Variants in TENM3 observed in about 807,000 individuals in gnomAD.
The protein encoded by TENM3 is teneurin-3.
TENM3 carries 63 observed loss-of-function variants against 255.1 expected under a neutral mutation model. The ratio of observed to expected loss-of-function variants is 0.25; its 90% CI spans 0.20 to 0.30. The LOEUF (loss-of-function observed/expected upper bound fraction) is 0.30, where lower values mean the gene tolerates loss of function less well. Ranked by LOEUF, TENM3 falls within the 10% of genes least tolerant of loss-of-function variation. The probability of loss-of-function intolerance (pLI) is 1.00; values close to 1 mark genes in which losing one functional copy is unlikely to be tolerated. For missense variants in TENM3, 2,929 were observed against 3,461.1 expected (o/e 0.85, Z 3.86); for synonymous variants, 1,306 against 1,322.3 (o/e 0.99, Z 0.27).
chr4:182,797,643 G>T (rs796423849), intron 27 of TENM3, among the ~76,000 whole-genome samples: 11 of 152,262 alleles, frequency 7.2e-5, no homozygotes, highest in African/African-American at 2.6e-4. Flanking sequence ...GCTTCAGAAA[G>T]TGGTACTTCT....
At chr4:182,209,610 ATTACC>A (rs137880207) in intron 1 of TENM3, among the ~76,000 whole-genome samples, 7,036 of 152,188 alleles carry the variant, frequency 0.046, 506 homozygotes, top group African/African-American at 0.16. Flanking sequence ...TTGAAGAAAC[ATTACC>A]TGGTGGCCTG....
the TENM3 span, among the ~76,000 whole-genome samples, chr4:181,707,405 A>G: frequency 6.6e-6 from 1 of 152,204 alleles, no homozygotes; most frequent in Non-Finnish European, 1.5e-5. Flanking sequence ...CACCATCTTT[A>G]GAGACTCGTC....
At chr4:182,104,510 T>C in the TENM3 span, among the ~76,000 whole-genome samples, 2 of 138,888 alleles carry the variant, frequency 1.4e-5, no homozygotes, top group African/African-American at 5.5e-5. Flanking sequence ...ACTCTTTTTT[T>C]TTTTTTTTTT....
At chr4:182,432,950 G>T (rs999434056) in intron 3 of TENM3, among the ~76,000 whole-genome samples, 2 of 150,718 alleles carry the variant, frequency 1.3e-5, no homozygotes, top group African/African-American at 4.9e-5. Context: ...GCATCCCAAA[G>T]TGCTGGGATT....
At chr4:182,737,318 A>ATG (rs1472955909) in intron 17 of TENM3, among the ~76,000 whole-genome samples, 1 of 152,216 alleles carries the variant, frequency 6.6e-6, no homozygotes, top group Non-Finnish European at 1.5e-5. Context: ...AATTCTGTGA[A>ATG]TGAGGTTTCA....
At chr4:181,932,734 G>A in the TENM3 span, among the ~76,000 whole-genome samples, 10 of 152,068 alleles carry the variant, frequency 6.6e-5, no homozygotes, top group Admixed American at 2.6e-4. Context: ...TTGCAGCACT[G>A]TTCACAATAG....
chr4:182,060,511 A>G, the TENM3 span, among the ~76,000 whole-genome samples: 1 of 152,124 alleles, frequency 6.6e-6, no homozygotes, highest in East Asian at 1.9e-4. Flanking sequence ...GGCAGAGCTC[A>G]GGCAGTAATA....
chr4:182,328,355 A>G (rs1490166535), intron 2 of TENM3, among the ~76,000 whole-genome samples: 1 of 152,012 alleles, frequency 6.6e-6, no homozygotes, highest in African/African-American at 2.4e-5. Flanking sequence ...AGCTGGAATT[A>G]TAGGCGCCTG....
At chr4:182,583,030 T>A (rs1029865110) in intron 3 of TENM3, among the ~76,000 whole-genome samples, 1 of 152,208 alleles carries the variant, frequency 6.6e-6, no homozygotes, top group African/African-American at 2.4e-5. Flanking sequence ...GATAAGAATG[T>A]CGATCTTAAT....
chr4:182,124,129 G>A, the TENM3 span, among the ~76,000 whole-genome samples: 1 of 152,166 alleles, frequency 6.6e-6, no homozygotes, highest in African/African-American at 2.4e-5. Flanking sequence ...TCGGTGCACT[G>A]CAACCTCTGC....
the TENM3 span, among the ~76,000 whole-genome samples, chr4:182,015,360 A>G: frequency 1.3e-5 from 2 of 152,180 alleles, no homozygotes; most frequent in African/African-American, 4.8e-5. Flanking sequence ...TCGAATGTTA[A>G]TATCAGAGAT....
chr4:182,098,701 G>A, the TENM3 span, among the ~76,000 whole-genome samples: 4,482 of 152,160 alleles, frequency 0.029, 88 homozygotes, highest in Middle Eastern at 0.058. Flanking sequence ...ATAAGAAGGG[G>A]GTGGTTAATG....
At position 182,378,881 on chromosome 4, in the gene TENM3, C is replaced by G. The variant is rs369262962; in HGVS notation, c.511+31952C>G. Reference sequence around the variant, plus strand: ...AAAAATTCAGAGAGCTAGAACTGAACTCAGGCCAGTCTAACTTCAGAGCTC... The same window carrying G: ...AAAAATTCAGAGAGCTAGAACTGAAGTCAGGCCAGTCTAACTTCAGAGCTC... On this transcript the variant is annotated intron_variant, in intron 3 of 27. Coordinates refer to ENST00000511685, the MANE Select transcript of TENM3 (RefSeq NM_001080477.4). 2.6e-5 allele frequency among the ~76,000 whole-genome samples: 4 copies of G among 152,292 alleles called. No individual in the cohort carries two copies. In the East Asian group the frequency reaches 7.7e-4, roughly 29 times the overall value.
intron 1 of TENM3, among the ~76,000 whole-genome samples, chr4:182,237,069 T>C (rs1181588350): frequency 2.0e-5 from 3 of 152,192 alleles, no homozygotes; most frequent in African/African-American, 7.2e-5. Context: ...TTCTCATTGT[T>C]CAGCTCCCCC....
chr4:182,193,161 G>T (rs1271471501), intron 1 of TENM3, among the ~76,000 whole-genome samples: 1 of 152,210 alleles, frequency 6.6e-6, no homozygotes, highest in Non-Finnish European at 1.5e-5. Context: ...AACCTAGGAG[G>T]ATGCTGTTGT....
At chr4:181,782,778 ACACACT>A in the TENM3 span, among the ~76,000 whole-genome samples, 1 of 152,138 alleles carries the variant, frequency 6.6e-6, no homozygotes, top group African/African-American at 2.4e-5. Flanking sequence ...ATTTCCCTCA[ACACACT>A]GCTTTAAATG....
chr4:181,600,757 T>A, the TENM3 span, among the ~76,000 whole-genome samples: 1 of 151,646 alleles, frequency 6.6e-6, no homozygotes, highest in Non-Finnish European at 1.5e-5. Flanking sequence ...CTTCGACTTG[T>A]GATGGTACCT....
chr4:182,728,197 A>G (rs555475233), intron 13 of TENM3, among the ~76,000 whole-genome samples: 1 of 152,218 alleles, frequency 6.6e-6, no homozygotes, highest in South Asian at 2.1e-4. Flanking sequence ...TCCATTTTAT[A>G]TTGATTTGTG....
Position 182,679,691 on chromosome 4 carries a change from G to A in TENM3, c.1352G>A (p.Gly451Asp). 4 of 1,612,988 alleles carry A rather than the reference G, an allele frequency of 2.5e-6. No homozygotes were observed. The highest frequency in any genetic ancestry group is 3.4e-6 in the Non-Finnish European group (4 of 1,179,832). ...TQYDFVELLD[G>D]SRLIAREQRS... is the part of the protein sequence containing the mutation. ...TATGACTTCGTGGAGCTCCTGGATG[G>A]CAGCAGGCTGATTGCCAGAGAGCAG... Residue 451 changes from glycine (G) to aspartate (D), a missense_variant, in exon 8 of 28, where the codon GGC becomes GAC. By Grantham distance (94) the Gly-to-Asp change is moderately conservative. Transcript: ENST00000511685.
Sources: gnomAD v4.1 joint callset for allele counts (sites outside exome capture counted in the v4.1 genomes callset) on GRCh38, gnomAD v4.1.1 for gene constraint, MANE v1.5 for transcripts, NCBI Gene and HGNC (gene_info 2026-07-23, HGNC 2026-07-21) for gene names.